ECHDC2: variants seen among roughly 807,000 people sequenced by gnomAD.
The protein encoded by ECHDC2 is enoyl-CoA hydratase domain-containing protein 2, mitochondrial.
ECHDC2 carries 34 observed loss-of-function variants against 40.6 expected under a neutral mutation model. The ratio of observed to expected loss-of-function variants is 0.84; its 90% CI spans 0.64 to 1.11. The LOEUF is 1.11. Ranked by LOEUF, ECHDC2 falls within the 50% of genes most tolerant of loss-of-function variation. The pLI, the probability that ECHDC2 is intolerant of heterozygous loss-of-function variation, is 0.00. For missense variants in ECHDC2, 392 were observed against 400.7 expected, an observed-to-expected ratio of 0.98 and a Z score of 0.19; for synonymous variants, 162 against 166.6, an observed-to-expected ratio of 0.97 and a Z score of 0.21.
At chr1:52,915,104 A>T in intron 1 of ECHDC2, 1 of 407,438 alleles carries the variant, frequency 2.5e-6, no homozygotes, top group Non-Finnish European at 5.0e-6. Flanking sequence ...TGGGGAAGAG[A>T]GATGGGCTCT....
intron 1 of ECHDC2, among the ~76,000 whole-genome samples, chr1:52,918,503 T>C (rs1413650805): frequency 6.6e-6 from 1 of 152,090 alleles, no homozygotes; most frequent in South Asian, 2.1e-4. Context: ...TGGGACAAGA[T>C]GTGGAGGTGG....
intron 7 of ECHDC2, among the ~76,000 whole-genome samples, chr1:52,903,575 G>T (rs540801727): frequency 2.0e-5 from 3 of 151,736 alleles, no homozygotes; most frequent in South Asian, 2.1e-4. Flanking sequence ...AAATAACTGG[G>T]ATTACAGGCT....
At position 52,914,180 on chromosome 1, in the gene ECHDC2, G is replaced by A. The variant is rs1376265521; in HGVS notation, c.122-2390C>T. The stretch of plus-strand genomic sequence containing the variant: ...GACAAACAAGTAAGGGGCCTCCAGT[G>A]GGCAGAGGGGAGCCCTAGTATAGAA... On this transcript the variant is annotated intron_variant, in intron 1 of 9. Coordinates refer to ENST00000371522, the MANE Select transcript of ECHDC2 (RefSeq NM_001198961.2). The surrounding 1 kb of genome is among the most constrained non-coding windows in gnomAD (Gnocchi z 4.0). 1 of 439,108 alleles carries A rather than the reference G, an allele frequency of 2.3e-6. No homozygotes were observed. The highest frequency in any genetic ancestry group is 7.0e-5 in the East Asian group (1 of 14,302). The allele number at this position is 439,108 out of a possible 1,614,324, so 27.2% of individuals were successfully genotyped here.
intron 8 of ECHDC2, chr1:52,898,665 A>G (rs1646793227): frequency 5.7e-6 from 1 of 175,010 alleles, no homozygotes; most frequent in Non-Finnish European, 1.2e-5. Context: ...TGTTTAACTC[A>G]TCCATCTGTA....
chr1:52,911,840 C>T, intron 1 of ECHDC2, 50 bp from the exon 2 acceptor site: 2 of 1,606,116 alleles, frequency 1.2e-6, no homozygotes, highest in South Asian at 1.1e-5. Context: ...CTGCCTAATC[C>T]TGGGCTGCGG....
chr1:52,915,362 T>A lies in ECHDC2; in HGVS notation c.122-3572A>T, dbSNP rs575883341. 354 of 455,944 alleles carry A rather than the reference T, an allele frequency of 7.8e-4. 3 individuals are homozygous for A. Among genetic ancestry groups the A allele is most frequent in the South Asian group, 4.7e-3 (304 of 64,544 alleles). The allele number at this position is 455,944 out of a possible 1,614,324, so 28.2% of individuals were successfully genotyped here. ...CTGATCAGAGACACAGAAAGGCCAA[T>A]GAAAGTTTCTGGGCTCTCAAGGGAC... On this transcript the variant is annotated intron_variant, in intron 1 of 9. Coordinates refer to ENST00000371522, the MANE Select transcript of ECHDC2 (RefSeq NM_001198961.2).
chr1:52,897,720 C>T (rs1222553837), intron 8 of ECHDC2: 2 of 592,068 alleles, frequency 3.4e-6, no homozygotes, highest in East Asian at 2.9e-5. Context: ...CCGGCTGCCT[C>T]ACCACGCTTC....
chr1:52,899,304 A>G (rs576891), intron 7 of ECHDC2, 80 bp from the exon 8 acceptor site: 875,246 of 1,397,992 alleles, frequency 0.63, 280,445 homozygotes, highest in African/African-American at 0.85. Context: ...GCTTTGTTTT[A>G]AAGGAGGGAG....
chr1:52,909,321 G>A (rs932630246), intron 3 of ECHDC2, among the ~76,000 whole-genome samples: 2 of 152,110 alleles, frequency 1.3e-5, no homozygotes, highest in Non-Finnish European at 2.9e-5. Flanking sequence ...ACTGGTTCCA[G>A]GACCCCTCAG....
At chr1:52,907,616 A>AACTT (rs1265338808) in intron 4 of ECHDC2, 3 of 428,252 alleles carry the variant, frequency 7.0e-6, no homozygotes, top group East Asian at 7.2e-5. Flanking sequence ...TGCTTGGGGA[A>AACTT]ACTTAACTGC....
Position 52,905,158 on chromosome 1 carries a change from A to G in ECHDC2, c.458-68T>C. The G allele has an allele frequency of 6.4e-6, 10 of 1,550,670 alleles. No homozygotes were observed. In the South Asian group the frequency reaches 1.1e-4, roughly 18 times the overall value. Reference sequence around the variant, plus strand: ...TCCCCCAGTGCTAATCCCGGGGGCCACAGCTGCCTCTGCTGTCTACTCGCC... The same window carrying G: ...TCCCCCAGTGCTAATCCCGGGGGCCGCAGCTGCCTCTGCTGTCTACTCGCC... On this transcript the variant is annotated intron_variant, in intron 5 of 9. Transcript: ENST00000371522.
chr1:52,908,059 C>A lies in ECHDC2; in HGVS notation c.278-105G>T, dbSNP rs542514865. On this transcript the variant is annotated intron_variant, in intron 3 of 9. Coordinates refer to ENST00000371522, the MANE Select transcript of ECHDC2 (RefSeq NM_001198961.2). The stretch of plus-strand genomic sequence containing the variant: ...AGAAGACCTGAGGACAGGCAGCCAG[C>A]GAGGAAGGAGAAACACCAGGAACCC... 7.2e-6 allele frequency: 7 copies of A among 974,410 alleles called. No individual in the cohort carries two copies. The Admixed American group carries it at 8.5e-5, about 12-fold the overall frequency. 60.4% of individuals were successfully genotyped at this position (974,410 alleles called of 1,614,324 possible). A position where few individuals can be genotyped will look rare whatever the true frequency, so the allele number is the denominator to read the frequency against.
chr1:52,897,183 GA>G, intron 9 of ECHDC2: 1 of 557,634 alleles, frequency 1.8e-6, no homozygotes, highest in South Asian at 2.3e-5. Context: ...TCCTCTTAAG[GA>G]CCTGTGTTCT....
intron 4 of ECHDC2, 39 bp from the exon 5 acceptor site, chr1:52,906,650 G>C (rs775777609): frequency 6.5e-7 from 1 of 1,544,214 alleles, no homozygotes; most frequent in Non-Finnish European, 8.8e-7. Flanking sequence ...CAAAGCCCTG[G>C]TGGGACCAGG....
rs887541902 is a variant in ECHDC2, at chr1:52,907,677, G to A, written c.364+191C>T. On this transcript the variant is annotated intron_variant, in intron 4 of 9. Transcript: ENST00000371522. Reference sequence around the variant, plus strand: ...GAGGGTGGGGCGGGACACAAAAGCTGAAGAGCCAGAACTCCCTCTCTGAGA... The same window carrying A: ...GAGGGTGGGGCGGGACACAAAAGCTAAAGAGCCAGAACTCCCTCTCTGAGA... 1.1e-5 allele frequency: 6 copies of A among 557,282 alleles called. No individual in the cohort carries two copies. In the East Asian group the frequency reaches 1.2e-4, roughly 11 times the overall value. 34.5% of individuals were successfully genotyped at this position (557,282 alleles called of 1,614,324 possible).
chr1:52,905,560 A>T (rs945805168), intron 5 of ECHDC2: 1 of 164,118 alleles, frequency 6.1e-6, no homozygotes, highest in African/African-American at 2.4e-5. Flanking sequence ...GCTTTGTCAC[A>T]GCCTGAAATT....
intron 7 of ECHDC2, 78 bp from the exon 8 acceptor site, chr1:52,899,302 T>A: frequency 7.0e-7 from 1 of 1,425,988 alleles, no homozygotes; most frequent in Non-Finnish European, 9.8e-7. Context: ...CAGCTTTGTT[T>A]TAAAGGAGGG....
At chr1:52,906,735 C>T (rs1476697638) in intron 4 of ECHDC2, 124 bp from the exon 5 acceptor site, 3 of 567,378 alleles carry the variant, frequency 5.3e-6, no homozygotes, top group East Asian at 3.2e-5. Context: ...GGGGACATTA[C>T]ATGGAACCTC....
intron 1 of ECHDC2, among the ~76,000 whole-genome samples, chr1:52,915,583 C>A (rs1231852128): frequency 6.6e-6 from 1 of 152,082 alleles, no homozygotes; most frequent in East Asian, 1.9e-4. Flanking sequence ...GAAAATGGGG[C>A]AACTCTGGAG....
Sources: gnomAD v4.1 joint callset for allele counts (sites outside exome capture counted in the v4.1 genomes callset) on GRCh38, gnomAD v4.1.1 for gene constraint, Gnocchi (gnomAD v3.1) non-coding constraint, MANE v1.5 for transcripts, NCBI Gene and HGNC (gene_info 2026-07-23, HGNC 2026-07-21) for gene names.